Variants in RXRG observed in about 807,000 individuals in gnomAD.
RXRG encodes the protein retinoid X receptor gamma, also known as retinoic acid receptor RXR-gamma.
Under a neutral mutation model 49.2 loss-of-function variants are expected in RXRG, and 19 were observed. The observed-to-expected ratio is 0.39, with a 90% CI of 0.27 to 0.57. The LOEUF (loss-of-function observed/expected upper bound fraction) is 0.57, where lower values mean the gene tolerates loss of function less well. RXRG is among the 20% of genes least tolerant of loss of function. RXRG has a pLI of 0.64. For missense variants in RXRG, 452 were observed against 592.5 expected (o/e 0.76, Z 2.46); for synonymous variants, 224 against 216.6 (o/e 1.03, Z -0.30).
intron 1 of RXRG, among the ~76,000 whole-genome samples, chr1:165,443,555 C>T (rs1212597869): frequency 1.3e-5 from 2 of 152,202 alleles, no homozygotes; most frequent in Non-Finnish European, 2.9e-5. Context: ...TTTGCTATTA[C>T]ACACATCATG....
chr1:165,436,691 A>G (rs1021190116), intron 1 of RXRG, among the ~76,000 whole-genome samples: 1 of 152,260 alleles, frequency 6.6e-6, no homozygotes, highest in Admixed American at 6.5e-5. Flanking sequence ...ATGACCTGGG[A>G]CTTCCAACTC....
chr1:165,418,069 C>T (rs1169699504), intron 3 of RXRG, among the ~76,000 whole-genome samples: 2 of 141,186 alleles, frequency 1.4e-5, no homozygotes, highest in Admixed American at 1.5e-4. Flanking sequence ...CAAGATCATG[C>T]CCCTGCACTC....
intron 6 of RXRG, 68 bp downstream of exon 6, chr1:165,410,634 A>C: frequency 6.3e-7 from 1 of 1,581,098 alleles, no homozygotes. Flanking sequence ...CCATCAGGCT[A>C]CTTTTTTTAG....
intron 1 of RXRG, among the ~76,000 whole-genome samples, chr1:165,441,467 T>C (rs532196160): frequency 6.6e-6 from 1 of 152,326 alleles, no homozygotes; most frequent in South Asian, 2.1e-4. Flanking sequence ...TCCCTGGCTG[T>C]GCCATTTTCT....
rs142094410 is a variant in RXRG, at chr1:165,419,196, T to C, written c.442+674A>G. 2.0e-5 allele frequency among the ~76,000 whole-genome samples: 3 copies of C among 152,280 alleles called. No individual in the cohort carries two copies. In the East Asian group the frequency reaches 5.8e-4, roughly 29 times the overall value. ...TCAAAGATAAGTTGGTGAAAACACATTTATTTCTGCCTATAAAAGCATATT... is the reference window on the plus strand; with the variant it reads ...TCAAAGATAAGTTGGTGAAAACACACTTATTTCTGCCTATAAAAGCATATT... On this transcript the variant is annotated intron_variant, in intron 3 of 9. Coordinates refer to ENST00000359842, the MANE Select transcript of RXRG (RefSeq NM_006917.5).
intron 3 of RXRG, among the ~76,000 whole-genome samples, chr1:165,418,384 A>T (rs950446283): frequency 6.6e-6 from 1 of 152,194 alleles, no homozygotes; most frequent in African/African-American, 2.4e-5. Context: ...ATAAGGAAAC[A>T]AATCATTCAA....
intron 7 of RXRG, 134 bp downstream of exon 7, chr1:165,409,424 C>T: frequency 1.8e-6 from 2 of 1,118,668 alleles, no homozygotes; most frequent in Non-Finnish European, 2.3e-6. Context: ...TTGGGCTGCC[C>T]ATCCTCCATC....
Position 165,401,196 on chromosome 1 carries a change from C to T in RXRG, c.*67G>A, listed in dbSNP as rs958434037. ...TCAGGGTGGGAGGTGGAGGAAAGTGCAGGGTGGGGGTCCACACACACCTGC... is the reference window on the plus strand; with the variant it reads ...TCAGGGTGGGAGGTGGAGGAAAGTGTAGGGTGGGGGTCCACACACACCTGC... On this transcript the variant is annotated 3_prime_UTR_variant, in exon 10 of 10. Coordinates refer to ENST00000359842, the MANE Select transcript of RXRG (RefSeq NM_006917.5). 2.7e-5 allele frequency: 41 copies of T among 1,493,256 alleles called. No homozygotes were observed. Among genetic ancestry groups the T allele is most frequent in the Non-Finnish European group, 3.4e-5 (37 of 1,086,566 alleles). 92.5% of individuals were successfully genotyped at this position (1,493,256 alleles called of 1,614,324 possible). A position where few individuals can be genotyped will look rare whatever the true frequency, so the allele number is the denominator to read the frequency against.
At position 165,421,297 on chromosome 1, in the gene RXRG, G is replaced by T. The variant is rs139894464; in HGVS notation, c.298-1283C>A. ...ACTGTTAATTTTTAAAAATTAATTT[G>T]CATAATAAATGACAACACATATGTG... is the stretch of plus-strand genomic sequence containing the variant. On this transcript the variant is annotated intron_variant, in intron 2 of 9. Transcript: ENST00000359842. 1.1e-4 allele frequency among the ~76,000 whole-genome samples: 17 copies of T among 152,274 alleles called. No individual in the cohort carries two copies. In the East Asian group the frequency reaches 3.1e-3, roughly 28 times the overall value.
chr1:165,424,765 A>G (rs1158215024), intron 2 of RXRG: 1 of 985,442 alleles, frequency 1.0e-6, no homozygotes, highest in East Asian at 1.1e-4. Flanking sequence ...GAACCAGGTC[A>G]CAGAATGAAC....
intron 2 of RXRG, among the ~76,000 whole-genome samples, chr1:165,426,372 A>G (rs1286152399): frequency 6.6e-6 from 1 of 152,164 alleles, no homozygotes; most frequent in Non-Finnish European, 1.5e-5. Flanking sequence ...TCCACAGTCC[A>G]CACCTGCCCC....
chr1:165,444,748 C>A, intron 1 of RXRG, 97 bp downstream of exon 1: 1 of 1,078,068 alleles, frequency 9.3e-7, no homozygotes, highest in Non-Finnish European at 1.4e-6. Context: ...TATATGTTCT[C>A]CTTTTAATTC....
intron 7 of RXRG, 85 bp from the exon 8 acceptor site, chr1:165,408,403 T>C: frequency 1.1e-6 from 1 of 913,284 alleles, no homozygotes; most frequent in Non-Finnish European, 1.8e-6. Flanking sequence ...AAAATTTTTA[T>C]AAGCCCACTC....
At chr1:165,402,972 TACAC>T (rs1657633592) in intron 9 of RXRG, among the ~76,000 whole-genome samples, 1 of 151,374 alleles carries the variant, frequency 6.6e-6, no homozygotes, top group South Asian at 2.1e-4. Flanking sequence ...CACTCACACA[TACAC>T]ACATGCAGAC....
chr1:165,424,723 C>T lies in RXRG; in HGVS notation c.297+3996G>A. 4.2e-6 allele frequency: 4 copies of T among 959,798 alleles called. No individual in the cohort carries two copies. The South Asian group carries it at 1.4e-4, about 35-fold the overall frequency. 59.5% of individuals were successfully genotyped at this position (959,798 alleles called of 1,614,324 possible). On this transcript the variant is annotated intron_variant, in intron 2 of 9. Transcript: ENST00000359842. ...TGCTCCCACCCCTAGACACTTCCTC[C>T]TCCCTTCACCCCCCAAATTGTACTT...
chr1:165,429,414 G>A (rs1658602322), intron 1 of RXRG, among the ~76,000 whole-genome samples: 1 of 152,202 alleles, frequency 6.6e-6, no homozygotes, highest in African/African-American at 2.4e-5. Flanking sequence ...GATAATCAGG[G>A]CAGGGCTGAG....
At chr1:165,433,134 G>A (rs1365747354) in intron 1 of RXRG, among the ~76,000 whole-genome samples, 1 of 151,930 alleles carries the variant, frequency 6.6e-6, no homozygotes, top group South Asian at 2.1e-4. Context: ...TGCATCAGAG[G>A]ATGCACAATT....
chr1:165,421,554 TG>T (rs1332350112), intron 2 of RXRG, among the ~76,000 whole-genome samples: 1 of 146,012 alleles, frequency 6.8e-6, no homozygotes, highest in East Asian at 2.1e-4. Flanking sequence ...TTCCTTTTTT[TG>T]AGACAGCTGT....
At chr1:165,442,659 A>AT (rs1454935957) in intron 1 of RXRG, among the ~76,000 whole-genome samples, 3 of 152,208 alleles carry the variant, frequency 2.0e-5, no homozygotes, top group Non-Finnish European at 4.4e-5. Flanking sequence ...ATTTTTAACT[A>AT]TTTTGCATGT....
Sources: gnomAD v4.1 joint callset for allele counts (sites outside exome capture counted in the v4.1 genomes callset) on GRCh38, gnomAD v4.1.1 for gene constraint, MANE v1.5 for transcripts, NCBI Gene and HGNC (gene_info 2026-07-23, HGNC 2026-07-21) for gene names.